The following ABL1 variants were observed in gnomAD, a reference collection of about 807,000 sequenced individuals.
ABL1 encodes the protein ABL proto-oncogene 1, non-receptor tyrosine kinase, also known as tyrosine-protein kinase ABL1.
ABL1 carries 11 observed loss-of-function variants against 94.7 expected under a neutral mutation model. That is an observed-to-expected ratio of 0.12 (90% confidence interval 0.07 to 0.19). The LOEUF (loss-of-function observed/expected upper bound fraction) is 0.19. Ranked by LOEUF, ABL1 falls within the 10% of genes least tolerant of loss-of-function variation. The pLI, the probability that ABL1 is intolerant of heterozygous loss-of-function variation, is 1.00. For missense variants in ABL1, 1,082 were observed against 1,489.4 expected, an observed-to-expected ratio of 0.73 and a Z score of 4.50; for synonymous variants, 656 against 622.4, an observed-to-expected ratio of 1.05 and a Z score of -0.80.
intron 1 of ABL1, among the ~76,000 whole-genome samples, chr9:130,821,574 A>G (rs1002628178): frequency 6.6e-6 from 1 of 151,828 alleles, no homozygotes; most frequent in Non-Finnish European, 1.5e-5. Flanking sequence ...ATCATTAACA[A>G]TGCTACTATA....
intron 1 of ABL1, among the ~76,000 whole-genome samples, chr9:130,807,274 A>C (rs1830137958): frequency 2.6e-5 from 4 of 152,256 alleles, no homozygotes; most frequent in Admixed American, 2.0e-4. Context: ...TTTGACATGC[A>C]GTCTCACTCT....
Position 130,863,179 on chromosome 9 carries a change from A to G in ABL1, c.822+144A>G. 1.1e-6 allele frequency: 1 copy of G among 951,644 alleles called. No homozygotes were observed. Among genetic ancestry groups the G allele is most frequent in the South Asian group, 1.8e-5 (1 of 56,896 alleles). 59.0% of individuals were successfully genotyped at this position (951,644 alleles called of 1,614,324 possible). On this transcript the variant is annotated intron_variant, in intron 4 of 10. Transcript: ENST00000318560. The surrounding 1 kb of genome is among the most constrained non-coding windows in gnomAD (Gnocchi z 4.3). ...CACGGAATTGACTTTTCCGTCTTAT[A>G]TCATTCCTGTGTCTTTGTAGGAGTG...
chr9:130,740,853 G>A (rs2789768), intron 1 of ABL1, among the ~76,000 whole-genome samples: 25,659 of 140,638 alleles, frequency 0.18, 3,104 homozygotes, highest in Middle Eastern at 0.38. Context: ...GTAGAGAAGG[G>A]TCTCACTCTG....
At chr9:130,848,943 A>G (rs76926618) in intron 1 of ABL1, among the ~76,000 whole-genome samples, 2 of 147,098 alleles carry the variant, frequency 1.4e-5, no homozygotes, top group African/African-American at 2.5e-5. Context: ...CCGTCTCGAG[A>G]AAAAAAAAAA....
chr9:130,837,350 C>G (rs532199598), intron 1 of ABL1, among the ~76,000 whole-genome samples: 1 of 152,028 alleles, frequency 6.6e-6, no homozygotes, highest in African/African-American at 2.4e-5. Flanking sequence ...GTGCCTAAGG[C>G]GGGGATGAAT....
chr9:130,823,676 C>CT (rs1830392286), intron 1 of ABL1, among the ~76,000 whole-genome samples: 1 of 152,188 alleles, frequency 6.6e-6, no homozygotes, highest in African/African-American at 2.4e-5. Context: ...TTTGAAGAAC[C>CT]TGACCCAGAA....
intron 1 of ABL1, among the ~76,000 whole-genome samples, chr9:130,736,025 G>A (rs1265411763): frequency 5.5e-5 from 8 of 146,374 alleles, no homozygotes; most frequent in African/African-American, 2.0e-4. Context: ...GCATGACCTC[G>A]GCTCACTGCA....
chr9:130,855,128 G>T, intron 3 of ABL1, 32 bp downstream of exon 3: 3 of 1,584,848 alleles, frequency 1.9e-6, no homozygotes, highest in Non-Finnish European at 2.6e-6. Flanking sequence ...GCGCTGATGG[G>T]CCCAGGGCAG....
chr9:130,884,903 G>C lies in ABL1; in HGVS notation c.2613G>C (p.Glu871Asp). 6.2e-7 allele frequency: 1 copy of C among 1,610,540 alleles called. No homozygotes were observed. The highest frequency in any genetic ancestry group is 8.5e-7 in the Non-Finnish European group (1 of 1,179,098). ...GGGGCACCAGCAAGGGCCCCGCCGA[G>C]GAGTCCAGAGTGAGGAGGCACAAGC... The part of the protein sequence containing the change: ...APGGTSKGPA[E>D]ESRVRRHKHS... Residue 871 changes from glutamate (E) to aspartate (D), a missense_variant, in exon 11 of 11, where the codon GAG (glutamate) becomes GAC (aspartate). Coordinates refer to ENST00000318560, the MANE Select transcript of ABL1 (RefSeq NM_005157.6). This position sits in a 1 kb window ranked among gnomAD's most constrained non-coding sequence, Gnocchi z 5.6.
chr9:130,881,944 C>T (rs1000492917), intron 10 of ABL1, among the ~76,000 whole-genome samples: 10 of 151,934 alleles, frequency 6.6e-5, no homozygotes, highest in African/African-American at 2.2e-4. Flanking sequence ...CGTATGTCCA[C>T]TACTGTAGGA....
chr9:130,728,936 T>G (rs1831627112), intron 1 of ABL1, among the ~76,000 whole-genome samples: 1 of 152,178 alleles, frequency 6.6e-6, no homozygotes, highest in African/African-American at 2.4e-5. Context: ...GGGTGTTATA[T>G]TGTAGGGATT....
intron 1 of ABL1, among the ~76,000 whole-genome samples, chr9:130,761,104 C>T (rs1349650048): frequency 3.3e-5 from 5 of 152,022 alleles, no homozygotes; most frequent in South Asian, 2.1e-4. Flanking sequence ...CCCACCACCA[C>T]GGCTGGCTAC....
At position 130,853,425 on chromosome 9, in the gene ABL1, C is replaced by CT. The variant is rs797000466; in HGVS notation, c.80-629dup. ...TCCTGACCTCATGATCCACCCCCGGCTTTTTTTTTTGACACGGAGTTTCTC... is the reference window on the plus strand; with the variant it reads ...TCCTGACCTCATGATCCACCCCCGGCTTTTTTTTTTTGACACGGAGTTTCTC... On this transcript the variant is annotated intron_variant, in intron 1 of 10. Coordinates refer to ENST00000318560, the MANE Select transcript of ABL1 (RefSeq NM_005157.6). Among the ~76,000 whole-genome samples, 736 of 142,980 alleles carry CT rather than the reference C, an allele frequency of 5.1e-3. 5 individuals carry two copies. Among genetic ancestry groups the CT allele is most frequent in the African/African-American group, 0.017 (670 of 38,876 alleles). 93.8% of individuals were successfully genotyped at this position (142,980 alleles called of 152,430 possible).
intron 1 of ABL1, among the ~76,000 whole-genome samples, chr9:130,724,166 A>G (rs1323326025): frequency 1.3e-5 from 2 of 152,198 alleles, no homozygotes; most frequent in South Asian, 2.1e-4. Context: ...CTGGAGTACA[A>G]TGATATGATC....
At chr9:130,722,358 A>C (rs1458208212) in intron 1 of ABL1, among the ~76,000 whole-genome samples, 1 of 151,892 alleles carries the variant, frequency 6.6e-6, no homozygotes, top group Non-Finnish European at 1.5e-5. Flanking sequence ...ACACCACTGC[A>C]CTCCAGCCTG....
Position 130,862,648 on chromosome 9 carries a change from C to G in ABL1, c.550-115C>G. 1 of 1,153,174 alleles carries G rather than the reference C, an allele frequency of 8.7e-7. No individual in the cohort carries two copies. Among genetic ancestry groups the G allele is most frequent in the Non-Finnish European group, 1.2e-6 (1 of 821,176 alleles). 71.4% of individuals were successfully genotyped at this position (1,153,174 alleles called of 1,614,324 possible). ...TAAACACTCTGTCCTGTGTGGAGAG[C>G]TCCTTATGTGAGATTTTGCTGTGTA... On this transcript the variant is annotated intron_variant, in intron 3 of 10. Coordinates refer to ENST00000318560, the MANE Select transcript of ABL1 (RefSeq NM_005157.6). The surrounding 1 kb of genome is among the most constrained non-coding windows in gnomAD (Gnocchi z 5.5).
rs200455235 is a variant in ABL1, at chr9:130,859,674, TTCC to T, written c.550-3087_550-3085del. Among the ~76,000 whole-genome samples, 30 of 119,660 alleles carry T rather than the reference TTCC, an allele frequency of 2.5e-4. 5 individuals are homozygous for T. Among genetic ancestry groups the T allele is most frequent in the African/African-American group, 1.1e-3 (20 of 18,260 alleles). 78.5% of individuals were successfully genotyped at this position (119,660 alleles called of 152,430 possible). A position where few individuals can be genotyped will look rare whatever the true frequency, so the allele number is the denominator to read the frequency against. ...AAGAAACGCTGTTTCTTTTCTTTCT[TTCC>T]TTTTTTTTTTTTTTTTTTTTTTTTT... On this transcript the variant is annotated intron_variant, in intron 3 of 10. Coordinates refer to ENST00000318560, the MANE Select transcript of ABL1 (RefSeq NM_005157.6).
chr9:130,749,757 A>T (rs942427743), intron 1 of ABL1, among the ~76,000 whole-genome samples: 11 of 152,174 alleles, frequency 7.2e-5, no homozygotes, highest in Non-Finnish European at 1.5e-5. Flanking sequence ...TGGATACTAT[A>T]AAGTGCTTTA....
At chr9:130,871,532 T>C (rs34523074) in intron 4 of ABL1, among the ~76,000 whole-genome samples, 2 of 152,222 alleles carry the variant, frequency 1.3e-5, no homozygotes, top group African/African-American at 2.4e-5. Context: ...CTGTGAGTAA[T>C]TGACCTGACA....
Sources: gnomAD v4.1 joint callset for allele counts (sites outside exome capture counted in the v4.1 genomes callset) on GRCh38, gnomAD v4.1.1 for gene constraint, Gnocchi (gnomAD v3.1) non-coding constraint, MANE v1.5 for transcripts, NCBI Gene and HGNC (gene_info 2026-07-23, HGNC 2026-07-21) for gene names.